Variants in CSMD1 observed in about 807,000 individuals in gnomAD.
The protein encoded by CSMD1 is CUB and sushi domain-containing protein 1.
In CSMD1, 213 loss-of-function variants were observed where a neutral mutation model predicts 417.5. That is an observed-to-expected ratio of 0.51 (90% CI 0.46 to 0.57). The LOEUF is 0.57. Among genes scored for constraint, CSMD1 ranks in the 20% least tolerant of loss-of-function variants. CSMD1 has a pLI of 0.00. For missense variants in CSMD1, 6,923 were observed against 4,529.7 expected (o/e 1.53, Z -15.17); for synonymous variants, 2,862 against 1,736.8 (o/e 1.65, Z -16.11).
chr8:3,025,211 TGTGTATTGTGTGGTGTTATTCTGATACC>T (rs1809775826), intron 51 of CSMD1, among the ~76,000 whole-genome samples: 2 of 147,258 alleles, frequency 1.4e-5, no homozygotes, highest in Non-Finnish European at 3.0e-5. Flanking sequence ...ATTCTGAAAC[TGTGTATTGTGTGGTGTTATTCTGATACC>T]GTGTATTGTG....
chr8:3,278,286 T>C (rs968920386), intron 26 of CSMD1: 1 of 152,232 alleles, frequency 6.6e-6, no homozygotes, highest in African/African-American at 2.4e-5. Context: ...AAATTATTTT[T>C]TAAAATGTAC....
chr8:3,151,296 A>G (rs1364249593), intron 40 of CSMD1, 101 bp downstream of exon 40: 1 of 703,328 alleles, frequency 1.4e-6, no homozygotes, highest in African/African-American at 1.8e-5. Flanking sequence ...AATTACAGAT[A>G]CAGTTATGCC....
intron 2 of CSMD1, among the ~76,000 whole-genome samples, chr8:4,445,908 C>G (rs1367146708): frequency 6.6e-6 from 1 of 152,138 alleles, no homozygotes; most frequent in Admixed American, 6.5e-5. Flanking sequence ...GATGCAGGGA[C>G]GTGACCTGGG....
At chr8:4,943,017 G>A (rs776322897) in intron 1 of CSMD1, among the ~76,000 whole-genome samples, 4 of 152,142 alleles carry the variant, frequency 2.6e-5, no homozygotes, top group Non-Finnish European at 4.4e-5. Flanking sequence ...TTGAGAGTAT[G>A]GCTTTCTTTG....
chr8:4,309,172 T>C (rs953090957), intron 3 of CSMD1, among the ~76,000 whole-genome samples: 1 of 152,158 alleles, frequency 6.6e-6, no homozygotes, highest in Non-Finnish European at 1.5e-5. Flanking sequence ...TGAAGATGTG[T>C]GGAGATTCTG....
At chr8:4,626,317 G>C (rs189764921) in intron 2 of CSMD1, among the ~76,000 whole-genome samples, 1 of 152,038 alleles carries the variant, frequency 6.6e-6, no homozygotes, top group African/African-American at 2.4e-5. Flanking sequence ...GCTGTGCCTT[G>C]AAGCTGGGAG....
intron 5 of CSMD1, among the ~76,000 whole-genome samples, chr8:3,953,838 T>C (rs1398850097): frequency 6.6e-6 from 1 of 152,060 alleles, no homozygotes; most frequent in Non-Finnish European, 1.5e-5. Flanking sequence ...CTGCAGTTCC[T>C]AGAGAGCCTA....
intron 3 of CSMD1, among the ~76,000 whole-genome samples, chr8:4,419,553 C>G (rs1266448203): frequency 2.6e-5 from 4 of 152,158 alleles, no homozygotes; most frequent in African/African-American, 7.2e-5. Flanking sequence ...AACAAAAGTT[C>G]ATTTAATGAA....
intron 23 of CSMD1, among the ~76,000 whole-genome samples, chr8:3,312,817 A>AATCT (rs1563260678): frequency 6.8e-6 from 1 of 147,144 alleles, no homozygotes; most frequent in African/African-American, 2.5e-5. Context: ...GTTAGACTTC[A>AATCT]ATCTGGTGTT....
chr8:3,371,019 A>G (rs1809912570), intron 18 of CSMD1, among the ~76,000 whole-genome samples: 1 of 151,672 alleles, frequency 6.6e-6, no homozygotes, highest in Admixed American at 6.6e-5. Context: ...TCTTTTCTTG[A>G]GCTGGGACAT....
intron 3 of CSMD1, among the ~76,000 whole-genome samples, chr8:4,102,476 T>A (rs1376645965): frequency 6.6e-6 from 1 of 152,168 alleles, no homozygotes; most frequent in East Asian, 1.9e-4. Flanking sequence ...AGATATCAAA[T>A]CTGTCACTTG....
intron 3 of CSMD1, among the ~76,000 whole-genome samples, chr8:4,409,891 G>A (rs1213204373): frequency 6.6e-6 from 1 of 151,938 alleles, no homozygotes; most frequent in Non-Finnish European, 1.5e-5. Context: ...TTGGCTCACT[G>A]CAACCTCCGC....
At chr8:4,116,898 A>T (rs1228813856) in intron 3 of CSMD1, among the ~76,000 whole-genome samples, 1 of 152,104 alleles carries the variant, frequency 6.6e-6, no homozygotes, top group Admixed American at 6.6e-5. Context: ...TTCTGAAATC[A>T]GAAAGTGAGG....
intron 5 of CSMD1, among the ~76,000 whole-genome samples, chr8:3,927,492 C>G (rs919511001): frequency 6.6e-6 from 1 of 151,772 alleles, no homozygotes; most frequent in Non-Finnish European, 1.5e-5. Context: ...TGGTGAGACC[C>G]CATCTCTACT....
At chr8:3,761,381 T>C (rs573539486) in intron 5 of CSMD1, among the ~76,000 whole-genome samples, 7 of 152,118 alleles carry the variant, frequency 4.6e-5, no homozygotes, top group African/African-American at 9.6e-5. Flanking sequence ...CACACGTATA[T>C]ACTATCTGGG....
chr8:3,186,543 G>C (rs1235438276), intron 36 of CSMD1, among the ~76,000 whole-genome samples: 2 of 152,148 alleles, frequency 1.3e-5, no homozygotes, highest in African/African-American at 4.8e-5. Context: ...TAAGATCTTT[G>C]AACCATTTGA....
chr8:3,500,304 T>C (rs1259132845), intron 10 of CSMD1, among the ~76,000 whole-genome samples: 4 of 152,084 alleles, frequency 2.6e-5, no homozygotes, highest in Non-Finnish European at 5.9e-5. Flanking sequence ...TAGCTAGACA[T>C]CTCGATGTCT....
chr8:4,932,661 A>C (rs1355893976), intron 1 of CSMD1, among the ~76,000 whole-genome samples: 2 of 152,200 alleles, frequency 1.3e-5, no homozygotes, highest in African/African-American at 4.8e-5. Flanking sequence ...AAATTGGTAA[A>C]GGCTGCAGGA....
In CSMD1 at chr8:3,132,353, C is replaced by G. The variant is rs1817836189; in HGVS notation, c.6241+10112G>C. ...CATGCTAGCCTAATACATAGACGGCCTTCAAAAAAATTTGACTTAAAATAC... is the reference window on the plus strand; with the variant it reads ...CATGCTAGCCTAATACATAGACGGCGTTCAAAAAAATTTGACTTAAAATAC... On this transcript the variant is annotated intron_variant, in intron 41 of 69. Transcript: ENST00000635120. Among the ~76,000 whole-genome samples, 4 of 151,536 alleles carry G rather than the reference C, an allele frequency of 2.6e-5. No individual in the cohort carries two copies. The South Asian group carries it at 8.3e-4, about 32-fold the overall frequency.
Sources: allele counts gnomAD v4.1 joint callset (sites outside exome capture counted in the v4.1 genomes callset), GRCh38; gene constraint gnomAD v4.1.1; transcripts MANE v1.5; gene names NCBI Gene and HGNC (gene_info 2026-07-23, HGNC 2026-07-21).